The following NBAS variants were observed in gnomAD, a reference collection of about 807,000 sequenced individuals.
NBAS encodes NAG/BC035112 fusion.
Under a neutral mutation model 302.5 loss-of-function variants are expected in NBAS, and 219 were observed. That is an observed-to-expected ratio of 0.72 (90% CI 0.65 to 0.81). The LOEUF is 0.81. Ranked by LOEUF, NBAS falls within the 30% of genes least tolerant of loss-of-function variation. The probability of loss-of-function intolerance (pLI) is 0.00; values close to 1 mark genes in which losing one functional copy is unlikely to be tolerated. For missense variants in NBAS, 2,932 were observed against 2,841.6 expected, an observed-to-expected ratio of 1.03 and a Z score of -0.72; for synonymous variants, 1,118 against 1,021.6, an observed-to-expected ratio of 1.09 and a Z score of -1.80.
rs146181495 is a variant in NBAS, at chr2:15,556,548, C to G, written c.209+235G>C. Among the ~76,000 whole-genome samples the G allele has an allele frequency of 5.0e-3, 758 of 152,244 alleles. 9 individuals carry two copies. The highest frequency in any genetic ancestry group is 0.018 in the African/African-American group (732 of 41,552). On this transcript the variant is annotated intron_variant, in intron 3 of 51. Coordinates refer to ENST00000281513, the MANE Select transcript of NBAS (RefSeq NM_015909.4). ...GCCTGAGAATAGTCATCAGAGGAAG[C>G]AGAAATTGTCATGAGACATTCTTAA...
At position 15,539,278 on chromosome 2, in the gene NBAS, G is replaced by C; in HGVS notation, c.458C>G (p.Thr153Arg). The C allele has an allele frequency of 1.2e-6, 2 of 1,614,214 alleles. No homozygotes were observed. The highest frequency in any genetic ancestry group is 8.5e-7 in the Non-Finnish European group (1 of 1,180,034). ...DCTLLAYAES[T>R]GTVRVFDLMG... ...GAGATCAAACACCCTCACAGTTCCT[G>C]TGCTTTCGGCATAGGCCAGTAGGGT... Residue 153 changes from threonine (T) to arginine (R), a missense_variant, in exon 7 of 52, where the codon ACA becomes AGA. Transcript: ENST00000281513.
chr2:15,308,082 A>G, intron 40 of NBAS, 134 bp downstream of exon 40: 2 of 1,362,512 alleles, frequency 1.5e-6, no homozygotes, highest in Non-Finnish European at 2.1e-6. Flanking sequence ...AGGAAAGCCA[A>G]GAGCTGCCTG....
the NBAS span, among the ~76,000 whole-genome samples, chr2:15,092,495 A>G: frequency 6.6e-6 from 1 of 152,184 alleles, no homozygotes; most frequent in Non-Finnish European, 1.5e-5. Context: ...AAAGAAATGA[A>G]TTAATTGCTT....
chr2:15,456,183 T>G (rs572185668), intron 21 of NBAS, among the ~76,000 whole-genome samples: 2 of 152,352 alleles, frequency 1.3e-5, no homozygotes, highest in Non-Finnish European at 2.9e-5. Context: ...ATACACATGA[T>G]GATTTAAGAC....
chr2:15,473,929 A>C, intron 15 of NBAS, 138 bp downstream of exon 15: 1 of 1,040,844 alleles, frequency 9.6e-7, no homozygotes, highest in Admixed American at 2.3e-5. Context: ...AAAAAGCTTT[A>C]TAGAACTGAT....
chr2:15,283,322 C>G (rs73197011), intron 42 of NBAS, among the ~76,000 whole-genome samples: 3 of 152,022 alleles, frequency 2.0e-5, no homozygotes, highest in Admixed American at 2.0e-4. Flanking sequence ...TGATTGCATG[C>G]CCACCCAAAT....
At chr2:15,160,953 G>C in the NBAS span, among the ~76,000 whole-genome samples, 656 of 152,308 alleles carry the variant, frequency 4.3e-3, 3 homozygotes, top group Non-Finnish European at 7.2e-3. Context: ...GATACATGGG[G>C]TGGATTATCC....
At chr2:15,239,432 C>A (rs1667763371) in intron 44 of NBAS, among the ~76,000 whole-genome samples, 1 of 145,978 alleles carries the variant, frequency 6.9e-6, no homozygotes, top group Non-Finnish European at 1.5e-5. Context: ...TTGAGTATTG[C>A]TTATCTGAAA....
At chr2:14,818,716 C>T in the NBAS span, among the ~76,000 whole-genome samples, 1 of 152,182 alleles carries the variant, frequency 6.6e-6, no homozygotes, top group Non-Finnish European at 1.5e-5. Flanking sequence ...ACTGCTAAAC[C>T]TCTACAAAGC....
intron 24 of NBAS, among the ~76,000 whole-genome samples, chr2:15,416,766 A>C (rs1455512638): frequency 6.6e-6 from 1 of 151,142 alleles, no homozygotes; most frequent in Non-Finnish European, 1.5e-5. Flanking sequence ...AGATCACGTC[A>C]CTGCACTCCA....
chr2:15,174,399 T>A (rs1664437037), intron 51 of NBAS, among the ~76,000 whole-genome samples: 2 of 152,208 alleles, frequency 1.3e-5, no homozygotes, highest in Non-Finnish European at 2.9e-5. Context: ...ATTAGTGATC[T>A]GAGAAAATCC....
chr2:14,908,159 C>T, the NBAS span, among the ~76,000 whole-genome samples: 4 of 152,134 alleles, frequency 2.6e-5, no homozygotes, highest in Non-Finnish European at 4.4e-5. Context: ...GTCAGGAGAT[C>T]GAGACCATCC....
intron 47 of NBAS, among the ~76,000 whole-genome samples, chr2:15,225,375 C>A (rs963285902): frequency 2.0e-5 from 3 of 152,158 alleles, no homozygotes; most frequent in African/African-American, 7.2e-5. Flanking sequence ...TTCAGGAGGG[C>A]TCAACCTCAC....
intron 27 of NBAS, among the ~76,000 whole-genome samples, chr2:15,395,290 A>G (rs1675816302): frequency 6.6e-6 from 1 of 152,110 alleles, no homozygotes; most frequent in Admixed American, 6.5e-5. Flanking sequence ...CAATTTTACT[A>G]GAGAAATAAA....
the NBAS span, among the ~76,000 whole-genome samples, chr2:14,953,085 T>C: frequency 3.3e-5 from 5 of 152,280 alleles, no homozygotes; most frequent in South Asian, 1.0e-3. Context: ...AACAAATGCC[T>C]GAAGGCAAGA....
intron 35 of NBAS, among the ~76,000 whole-genome samples, chr2:15,350,317 TG>T (rs1673292469): frequency 6.6e-6 from 1 of 151,802 alleles, no homozygotes; most frequent in Non-Finnish European, 1.5e-5. Flanking sequence ...CCACAATAGG[TG>T]TCTCCCAAAA....
chr2:15,257,004 T>C (rs1290388135), intron 44 of NBAS, among the ~76,000 whole-genome samples: 2 of 152,230 alleles, frequency 1.3e-5, no homozygotes, highest in Non-Finnish European at 1.5e-5. Context: ...TATTGGTCCA[T>C]AGCTTTCCCT....
chr2:15,387,669 T>C (rs1675371906), intron 28 of NBAS, among the ~76,000 whole-genome samples: 1 of 151,928 alleles, frequency 6.6e-6, no homozygotes, highest in Non-Finnish European at 1.5e-5. Context: ...TCTTACTCTG[T>C]TGCCCAGGCT....
At chr2:15,216,708 C>T (rs1052206374) in intron 48 of NBAS, among the ~76,000 whole-genome samples, 7 of 152,248 alleles carry the variant, frequency 4.6e-5, no homozygotes, top group African/African-American at 9.6e-5. Flanking sequence ...GAAGAGCTCG[C>T]GTTCAAATAT....
Sources: gnomAD v4.1 joint callset for allele counts (sites outside exome capture counted in the v4.1 genomes callset) on GRCh38, gnomAD v4.1.1 for gene constraint, MANE v1.5 for transcripts, NCBI Gene and HGNC (gene_info 2026-07-23, HGNC 2026-07-21) for gene names.